NKAIN2: variants seen among roughly 807,000 people sequenced by gnomAD.
The protein encoded by NKAIN2 is sodium/potassium transporting ATPase interacting 2.
NKAIN2 carries 14 observed loss-of-function variants against 32.6 expected under a neutral mutation model. The ratio of observed to expected loss-of-function variants is 0.43; its 90% CI spans 0.28 to 0.67. The LOEUF (loss-of-function observed/expected upper bound fraction) is 0.67, where lower values mean the gene tolerates loss of function less well. NKAIN2 is among the 30% of genes least tolerant of loss of function. NKAIN2 has a pLI of 0.17. For missense variants in NKAIN2, 198 were observed against 258.3 expected (o/e 0.77, Z 1.60); for synonymous variants, 80 against 87.2 (o/e 0.92, Z 0.46).
chr6:124,544,550 G>C lies in NKAIN2; in HGVS notation c.274-113636G>C, dbSNP rs1780025316. Among the ~76,000 whole-genome samples the C allele has an allele frequency of 2.0e-5, 3 of 152,014 alleles. No individual in the cohort carries two copies. The South Asian group carries it at 6.2e-4, about 31-fold the overall frequency. Reference sequence around the variant, plus strand: ...AATTAAATTTGTGTTTTACCACTTAGAGTGAGCTTTTCAGAGGTTAACAAA... The same window carrying C: ...AATTAAATTTGTGTTTTACCACTTACAGTGAGCTTTTCAGAGGTTAACAAA... On this transcript the variant is annotated intron_variant, in intron 3 of 6. Transcript: ENST00000368417.
intron 2 of NKAIN2, among the ~76,000 whole-genome samples, chr6:124,326,796 C>A (rs775564739): frequency 6.6e-6 from 1 of 152,072 alleles, no homozygotes; most frequent in Non-Finnish European, 1.5e-5. Context: ...ATGTCACATA[C>A]AATATTTTTG....
intron 3 of NKAIN2, among the ~76,000 whole-genome samples, chr6:124,560,581 C>T (rs1780652419): frequency 6.6e-6 from 1 of 152,190 alleles, no homozygotes; most frequent in South Asian, 2.1e-4. Context: ...TTCTGTTTCT[C>T]ACTTTCTTCA....
At chr6:124,195,056 G>A (rs966361202) in intron 1 of NKAIN2, among the ~76,000 whole-genome samples, 3 of 137,316 alleles carry the variant, frequency 2.2e-5, no homozygotes, top group South Asian at 4.5e-4. Context: ...TTTATTTTTT[G>A]TGTTCTATTC....
rs577154415 is a variant in NKAIN2, at chr6:124,424,094, C to T, written c.273+68747C>T. Among the ~76,000 whole-genome samples the T allele has an allele frequency of 1.6e-4, 25 of 152,104 alleles. No homozygotes were observed. The South Asian group carries it at 1.7e-3, about 10-fold the overall frequency. On this transcript the variant is annotated intron_variant, in intron 3 of 6. Transcript: ENST00000368417. ...CTGCAAGCTCTGCCTCCCGGGTTCA[C>T]GCCGTTCTCCTGTCTCAGCCTCCTG...
intron 3 of NKAIN2, among the ~76,000 whole-genome samples, chr6:124,471,769 CAT>C (rs776623306): frequency 9.9e-4 from 151 of 152,172 alleles, no homozygotes; most frequent in Non-Finnish European, 1.6e-3. Flanking sequence ...TAGATAAACT[CAT>C]ATGTATGTTT....
At position 124,342,340 on chromosome 6, in the gene NKAIN2, C is replaced by T. The variant is rs534426788; in HGVS notation, c.193-12927C>T. Among the ~76,000 whole-genome samples the T allele has an allele frequency of 7.4e-5, 11 of 147,810 alleles. No homozygotes were observed. The South Asian group carries it at 2.2e-3, about 29-fold the overall frequency. ...AGGAGAATGGAGTGAACCTGGGAGG[C>T]AGAGCTTGCAGTGAGCCGAGATTGC... On this transcript the variant is annotated intron_variant, in intron 2 of 6. Transcript: ENST00000368417.
chr6:124,116,253 C>G (rs952179609), intron 1 of NKAIN2, among the ~76,000 whole-genome samples: 1 of 152,078 alleles, frequency 6.6e-6, no homozygotes, highest in Non-Finnish European at 1.5e-5. Flanking sequence ...ACCTGGGGTT[C>G]CTTCAGCAGT....
At chr6:124,414,988 A>G (rs1358024312) in intron 3 of NKAIN2, among the ~76,000 whole-genome samples, 9 of 152,188 alleles carry the variant, frequency 5.9e-5, no homozygotes, top group South Asian at 2.1e-4. Flanking sequence ...AAAAAACTCA[A>G]ATTGCTTTTT....
chr6:124,344,458 C>G (rs1008684844), intron 2 of NKAIN2, among the ~76,000 whole-genome samples: 85 of 151,610 alleles, frequency 5.6e-4, no homozygotes, highest in African/African-American at 1.9e-3. Flanking sequence ...TTCTTCCTAC[C>G]CATGAGCATG....
chr6:124,501,034 G>C (rs1018308864), intron 3 of NKAIN2, among the ~76,000 whole-genome samples: 1 of 152,192 alleles, frequency 6.6e-6, no homozygotes, highest in Non-Finnish European at 1.5e-5. Context: ...CGGAGCCATT[G>C]TACAATAAAA....
rs117853933 is a variant in NKAIN2, at chr6:124,164,719, A to G, written c.55-118286A>G. On this transcript the variant is annotated intron_variant, in intron 1 of 6. Transcript: ENST00000368417. ...TGTTTTAAGTAGTGTGGGCTTAACT[A>G]TTAAACTGGCGGTCGTATTACAAAA... 1.4e-3 allele frequency among the ~76,000 whole-genome samples: 212 copies of G among 152,162 alleles called. 6 individuals are homozygous for G. The East Asian group carries it at 0.029, about 21-fold the overall frequency.
At chr6:124,222,012 G>GA (rs1791859117) in intron 1 of NKAIN2, among the ~76,000 whole-genome samples, 1 of 152,114 alleles carries the variant, frequency 6.6e-6, no homozygotes, top group Non-Finnish European at 1.5e-5. Flanking sequence ...AGTCTGGAAG[G>GA]AAGACTAGAT....
intron 4 of NKAIN2, among the ~76,000 whole-genome samples, chr6:124,717,205 A>C (rs1775796206): frequency 6.6e-6 from 1 of 152,352 alleles, no homozygotes; most frequent in African/African-American, 2.4e-5. Context: ...TAATGTTCTA[A>C]GATAAATTAT....
At chr6:124,109,401 C>A (rs1785265418) in intron 1 of NKAIN2, among the ~76,000 whole-genome samples, 1 of 152,048 alleles carries the variant, frequency 6.6e-6, no homozygotes, top group Admixed American at 6.6e-5. Flanking sequence ...TTGTATCCTG[C>A]AACTTTACTA....
chr6:124,235,666 T>C (rs1423461657), intron 1 of NKAIN2, among the ~76,000 whole-genome samples: 1 of 151,860 alleles, frequency 6.6e-6, no homozygotes, highest in Non-Finnish European at 1.5e-5. Flanking sequence ...TGGTGCGGTC[T>C]TAGCTCACTG....
intron 1 of NKAIN2, among the ~76,000 whole-genome samples, chr6:124,259,677 A>G (rs1385349142): frequency 1.3e-5 from 2 of 152,188 alleles, no homozygotes; most frequent in Non-Finnish European, 2.9e-5. Flanking sequence ...AGAAGACAGA[A>G]GAAAAACCTA....
At chr6:124,526,190 G>T (rs1382101702) in intron 3 of NKAIN2, among the ~76,000 whole-genome samples, 1 of 152,094 alleles carries the variant, frequency 6.6e-6, no homozygotes, top group East Asian at 1.9e-4. Context: ...AAAGAAGCTG[G>T]AATAGAGGAG....
chr6:124,547,691 G>T (rs1425210772), intron 3 of NKAIN2, among the ~76,000 whole-genome samples: 2 of 152,120 alleles, frequency 1.3e-5, no homozygotes, highest in Non-Finnish European at 2.9e-5. Flanking sequence ...TAATGTTTTT[G>T]TCTCCTGAAA....
At chr6:124,427,257 C>T (rs556253674) in intron 3 of NKAIN2, among the ~76,000 whole-genome samples, 1 of 152,058 alleles carries the variant, frequency 6.6e-6, no homozygotes, top group South Asian at 2.1e-4. Context: ...GAAAAATGAC[C>T]AAATGTTCAT....
Sources: allele counts gnomAD v4.1 joint callset (sites outside exome capture counted in the v4.1 genomes callset), GRCh38; gene constraint gnomAD v4.1.1; transcripts MANE v1.5; gene names NCBI Gene and HGNC (gene_info 2026-07-23, HGNC 2026-07-21).